Variants in CASQ2 observed in about 807,000 individuals in gnomAD.
CASQ2 encodes calsequestrin 2, also known as calsequestrin-2.
A neutral mutation model predicts 46.5 loss-of-function variants in CASQ2; 49 were observed. The ratio of observed to expected loss-of-function variants is 1.05; its 90% CI spans 0.84 to 1.34. CASQ2 has a LOEUF of 1.34. CASQ2 is among the 40% of genes most tolerant of loss of function. The probability of loss-of-function intolerance (pLI) is 0.00; values close to 1 mark genes in which losing one functional copy is unlikely to be tolerated. For missense variants in CASQ2, 486 were observed against 481.3 expected (o/e 1.01, Z -0.09); for synonymous variants, 174 against 168.5 (o/e 1.03, Z -0.25).
At chr1:115,744,714 T>C (rs1648323642) in intron 2 of CASQ2, 114 bp downstream of exon 2, 2 of 738,590 alleles carry the variant, frequency 2.7e-6, no homozygotes, top group Non-Finnish European at 4.9e-6. Context: ...CAGGATCATT[T>C]TATATATTTT....
At chr1:115,763,593 A>G (rs1459426341) in intron 1 of CASQ2, among the ~76,000 whole-genome samples, 1 of 152,186 alleles carries the variant, frequency 6.6e-6, no homozygotes, top group African/African-American at 2.4e-5. Flanking sequence ...AGTGTGGGCT[A>G]AAAGAAGCTA....
chr1:115,725,703 T>A, intron 6 of CASQ2, 150 bp from the exon 7 acceptor site: 1 of 1,004,310 alleles, frequency 1.0e-6, no homozygotes, highest in Non-Finnish European at 1.5e-6. Context: ...ACTTATCTTC[T>A]AAGGAAACAG....
At chr1:115,728,912 C>A (rs577094284) in intron 5 of CASQ2, among the ~76,000 whole-genome samples, 2 of 151,918 alleles carry the variant, frequency 1.3e-5, no homozygotes, top group South Asian at 2.1e-4. Context: ...ATTGGATTGT[C>A]GTGTCCTTAA....
intron 7 of CASQ2, among the ~76,000 whole-genome samples, chr1:115,720,128 G>A (rs1420220428): frequency 1.3e-5 from 2 of 152,150 alleles, no homozygotes; most frequent in African/African-American, 4.8e-5. Flanking sequence ...GTTCTGTCTG[G>A]CCCCAAAGCC....
intron 7 of CASQ2, among the ~76,000 whole-genome samples, chr1:115,718,647 G>A (rs142816253): frequency 2.0e-5 from 3 of 152,304 alleles, no homozygotes; most frequent in Non-Finnish European, 4.4e-5. Flanking sequence ...GAATTTGAGC[G>A]TAAGGAAGGT....
chr1:115,724,603 G>T (rs1251434949), intron 7 of CASQ2, among the ~76,000 whole-genome samples: 1 of 152,188 alleles, frequency 6.6e-6, no homozygotes, highest in African/African-American at 2.4e-5. Flanking sequence ...TGGGTTGGGG[G>T]TTTATCTCCA....
chr1:115,711,592 G>GGTTTT (rs144324637), intron 8 of CASQ2, among the ~76,000 whole-genome samples: 3 of 144,454 alleles, frequency 2.1e-5, no homozygotes. Context: ...CTCATTTTAA[G>GGTTTT]ATTTTTTTTT....
rs1465621723 is a variant in CASQ2, at chr1:115,701,191, T to G, written c.*50A>C. 6.2e-7 allele frequency: 1 copy of G among 1,612,888 alleles called. No individual in the cohort carries two copies. The highest frequency in any genetic ancestry group is 1.7e-5 in the Admixed American group (1 of 60,022). On this transcript the variant is annotated 3_prime_UTR_variant, in exon 11 of 11. Transcript: ENST00000261448. ...TTGCTGCCACCTTGTGCTGTCTGTA[T>G]GGTAGTGGGTGCTGTGATTTTGTTT...
chr1:115,710,410 C>A (rs1278968548), intron 8 of CASQ2, among the ~76,000 whole-genome samples: 2 of 152,180 alleles, frequency 1.3e-5, no homozygotes, highest in Admixed American at 6.5e-5. Context: ...CTTAAGTCTG[C>A]ACGTCTGGAG....
chr1:115,741,069 C>A (rs960778324), intron 2 of CASQ2, among the ~76,000 whole-genome samples: 2 of 152,236 alleles, frequency 1.3e-5, no homozygotes, highest in African/African-American at 4.8e-5. Flanking sequence ...AAAGTCTATT[C>A]TCCACTCCAC....
At chr1:115,735,393 C>T (rs929507557) in intron 4 of CASQ2, among the ~76,000 whole-genome samples, 2 of 152,124 alleles carry the variant, frequency 1.3e-5, no homozygotes, top group Non-Finnish European at 2.9e-5. Context: ...ATGAATTATG[C>T]TTACTTTGAA....
At chr1:115,745,825 T>C (rs946353787) in intron 1 of CASQ2, among the ~76,000 whole-genome samples, 2 of 152,208 alleles carry the variant, frequency 1.3e-5, no homozygotes, top group South Asian at 2.1e-4. Flanking sequence ...AGATATCTTG[T>C]ACATTTTACC....
chr1:115,738,264 G>A lies in CASQ2; in HGVS notation c.492C>T (p.Tyr164=), dbSNP rs886038422. 4 of 1,613,260 alleles carry A rather than the reference G, an allele frequency of 2.5e-6. No individual in the cohort carries two copies. Among genetic ancestry groups the A allele is most frequent in the Admixed American group, 3.3e-5 (2 of 60,008 alleles). The change falls in exon 4 of 11, where the codon TAC becomes TAT. Residue 164 remains tyrosine, a synonymous_variant. Transcript: ENST00000261448. The part of the protein sequence containing the change: ...EVQAFERIED[Y]IKLIGFFKSE... ...TCTTGAAAAAGCCAATGAGTTTGAT[G>A]TAGTCTTCAATGCGTTCGAAGGCTT...
At chr1:115,768,284 A>G in intron 1 of CASQ2, 24 bp downstream of exon 1, 1 of 1,487,594 alleles carries the variant, frequency 6.7e-7, no homozygotes, top group South Asian at 1.1e-5. Context: ...GGCAGCGCAG[A>G]CAGCATGCCC....
At chr1:115,740,616 C>T in intron 3 of CASQ2, 112 bp downstream of exon 3, 1 of 728,950 alleles carries the variant, frequency 1.4e-6, no homozygotes, top group South Asian at 1.5e-5. Flanking sequence ...TCCTGAAAAA[C>T]CTGTCACAGA....
Position 115,732,917 on chromosome 1 carries a change from G to A in CASQ2, c.590C>T (p.Ala197Val). ...EHFQPYIKFF[A>V]TFDKGVAKKL... is the part of the protein sequence containing the mutation. ...GGTACTTACCCCTTTGTCAAAGGTG[G>A]CAAAGAATTTGATGTAAGGCTGGAA... Residue 197 changes from alanine to valine, a missense_variant, in exon 5 of 11, where the codon GCC becomes GTC. Coordinates refer to ENST00000261448, the MANE Select transcript of CASQ2 (RefSeq NM_001232.4). 6.2e-7 allele frequency: 1 copy of A among 1,613,164 alleles called. No homozygotes were observed. The highest frequency in any genetic ancestry group is 8.5e-7 in the Non-Finnish European group (1 of 1,179,180).
intron 8 of CASQ2, among the ~76,000 whole-genome samples, chr1:115,708,874 G>A (rs776930501): frequency 5.3e-5 from 8 of 152,202 alleles, no homozygotes; most frequent in African/African-American, 1.2e-4. Flanking sequence ...AGTGTACAGC[G>A]TGGGGCAGCT....
intron 6 of CASQ2, 34 bp downstream of exon 6, chr1:115,726,958 C>T: frequency 4.3e-6 from 6 of 1,384,608 alleles, no homozygotes; most frequent in Non-Finnish European, 4.0e-6. Context: ...CCCCAGACCC[C>T]AGGCCCCCAG....
intron 1 of CASQ2, among the ~76,000 whole-genome samples, chr1:115,755,945 C>A (rs1298807791): frequency 6.6e-6 from 1 of 152,142 alleles, no homozygotes; most frequent in Non-Finnish European, 1.5e-5. Context: ...GTGCTACTGC[C>A]AATAGTCGTT....
Sources: allele counts gnomAD v4.1 joint callset (sites outside exome capture counted in the v4.1 genomes callset), GRCh38; gene constraint gnomAD v4.1.1; transcripts MANE v1.5; gene names NCBI Gene and HGNC (gene_info 2026-07-23, HGNC 2026-07-21).